SSX7: variants seen among roughly 807,000 people sequenced by gnomAD.
The protein encoded by SSX7 is SSX family member 7.
In SSX7, 15 loss-of-function variants were observed where a neutral mutation model predicts 14.7. That is an observed-to-expected ratio of 1.02 (90% CI 0.68 to 1.58). SSX7 has a LOEUF of 1.58. Among genes scored for constraint, SSX7 ranks in the 40% most tolerant of loss-of-function variants. The pLI is 0.00. For missense variants in SSX7, 178 were observed against 146.8 expected, an observed-to-expected ratio of 1.21 and a Z score of -1.10; for synonymous variants, 46 against 50.6, an observed-to-expected ratio of 0.91 and a Z score of 0.38.
rs1200527063 is a variant in SSX7 at position 52,644,610 on chromosome X, A to G, written c.*65T>C. On this transcript the variant is annotated 3_prime_UTR_variant, in exon 8 of 8. Transcript: ENST00000298181. Reference sequence around the variant, plus strand: ...TGACGAGGGGTCCGCAGCCATGCCCATGTTCGTGAAAGGTCACCACGTTCT... The same window carrying G: ...TGACGAGGGGTCCGCAGCCATGCCCGTGTTCGTGAAAGGTCACCACGTTCT... The G allele has an allele frequency of 2.9e-4, 347 of 1,192,607 alleles. 1 individual carries two copies. The highest frequency in any genetic ancestry group is 9.7e-4 in the Middle Eastern group (3 of 3,096).
intron 5 of SSX7, 33 bp downstream of exon 5, chrX:52,650,320 T>G: frequency 1.7e-6 from 2 of 1,203,596 alleles, no homozygotes; most frequent in Non-Finnish European, 2.3e-6. Context: ...GGGACAAAGG[T>G]TCTCTGGTCC....
chrX:52,653,279 A>G (rs1180657316), intron 2 of SSX7, 125 bp downstream of exon 2: 4 of 1,203,638 alleles, frequency 3.3e-6, no homozygotes, highest in African/African-American at 1.8e-5. Context: ...GAGGCTCTCA[A>G]GGATCCAGAT....
chrX:52,649,725 T>C (rs1601975358), intron 5 of SSX7, among the ~76,000 whole-genome samples: 1 of 112,018 alleles, frequency 8.9e-6, no homozygotes, highest in East Asian at 2.8e-4. Flanking sequence ...CAGCTGGTCT[T>C]TCCTATTGCG....
chrX:52,652,386 C>A (rs782055141), intron 3 of SSX7, 39 bp from the exon 4 acceptor site: 2 of 1,027,520 alleles, frequency 1.9e-6, no homozygotes, highest in Non-Finnish European at 2.7e-6. Context: ...AAGAGACAAG[C>A]TTTGACCTGT....
intron 2 of SSX7, 180 bp from the exon 3 acceptor site, chrX:52,653,164 A>G: frequency 1.3e-6 from 1 of 753,824 alleles, no homozygotes; most frequent in Non-Finnish European, 1.6e-6. Flanking sequence ...AATGCTGCTG[A>G]CTGACTCTCT....
intron 1 of SSX7, among the ~76,000 whole-genome samples, chrX:52,653,915 G>A (rs782316876): frequency 2.7e-5 from 3 of 111,264 alleles, no homozygotes; most frequent in Non-Finnish European, 5.7e-5. Flanking sequence ...AGATAACATC[G>A]TCTCTCTGGT....
At chrX:52,651,844 T>C (rs1422558853) in intron 4 of SSX7, among the ~76,000 whole-genome samples, 4 of 109,648 alleles carry the variant, frequency 3.6e-5, no homozygotes, top group Admixed American at 9.9e-5. Flanking sequence ...TATTGCACTC[T>C]ACCCTGGCCG....
chrX:52,650,119 A>G (rs1287705002), intron 5 of SSX7, among the ~76,000 whole-genome samples: 1 of 112,383 alleles, frequency 8.9e-6, no homozygotes, highest in African/African-American at 3.2e-5. Context: ...GATTAAATAC[A>G]TTAATCCATG....
At chrX:52,652,043 A>G (rs1925449137) in intron 4 of SSX7, among the ~76,000 whole-genome samples, 1 of 108,396 alleles carries the variant, frequency 9.2e-6, no homozygotes, top group Non-Finnish European at 1.9e-5. Flanking sequence ...TTTACTTATT[A>G]TCTATAAAAA....
chrX:52,645,284 AC>A (rs1183037585), intron 7 of SSX7, among the ~76,000 whole-genome samples, 154 bp downstream of exon 7: 7 of 108,574 alleles, frequency 6.4e-5, no homozygotes, highest in Non-Finnish European at 1.2e-4. Flanking sequence ...AAAAAAAAAA[AC>A]GTGGGAAATC....
Position 52,652,961 on chromosome X carries a change from G to A in SSX7, c.93C>T (p.Tyr31=). ...IQKSFDDIAK[Y]FSKKEWEKMK... The stretch of plus-strand genomic sequence containing the variant: ...TCTTTTCCCACTCTTTCTTAGAGAA[G>A]TATTTGGCAATATCATCGAAGGACT... Residue 31 remains tyrosine (Y), a synonymous_variant, in exon 3 of 8, where the codon TAC becomes TAT. Transcript: ENST00000298181. 8.3e-7 allele frequency: 1 copy of A among 1,201,406 alleles called. No individual in the cohort carries two copies. The highest frequency in any genetic ancestry group is 1.1e-6 in the Non-Finnish European group (1 of 888,548).
At chrX:52,646,413 C>T (rs376428259) in intron 6 of SSX7, among the ~76,000 whole-genome samples, 37 of 112,569 alleles carry the variant, frequency 3.3e-4, no homozygotes, top group African/African-American at 5.5e-4. Context: ...TTATGGGGTA[C>T]GTGAGATGTT....
chrX:52,651,744 G>A (rs1379484717), intron 4 of SSX7, among the ~76,000 whole-genome samples: 1 of 111,032 alleles, frequency 9.0e-6, no homozygotes, highest in East Asian at 2.8e-4. Context: ...GTGTGGGGGC[G>A]GGCACCCGTA....
intron 4 of SSX7, 135 bp downstream of exon 4, chrX:52,652,117 C>T: frequency 6.1e-6 from 3 of 492,155 alleles, no homozygotes; most frequent in East Asian, 7.2e-5. Context: ...TAACTTTCTG[C>T]ATGCAATTTT....
chrX:52,653,018 A>T (rs1925491722), intron 2 of SSX7, 34 bp from the exon 3 acceptor site: 2 of 1,187,617 alleles, frequency 1.7e-6, no homozygotes, highest in Non-Finnish European at 1.1e-6. Flanking sequence ...TTTGTCAGTG[A>T]CTCAGCTAGA....
chrX:52,652,202 A>G (rs782077645), intron 4 of SSX7, 50 bp downstream of exon 4: 43 of 1,020,637 alleles, frequency 4.2e-5, no homozygotes, highest in Non-Finnish European at 5.5e-5. Flanking sequence ...CTGAGCTGAA[A>G]AGCAGCTGGG....
rs782343480 is a variant in SSX7, at chrX:52,649,028, CT to C, written c.331-633del. ...GTCACTGACCAACAATCTTAAGCTACTTTTTTTTTTGTTGTTTTGTTTTGAG... is the reference window on the plus strand; with the variant it reads ...GTCACTGACCAACAATCTTAAGCTACTTTTTTTTTGTTGTTTTGTTTTGAG... On this transcript the variant is annotated intron_variant, in intron 5 of 7. Transcript: ENST00000298181. Among the ~76,000 whole-genome samples, 38 of 106,909 alleles carry C rather than the reference CT, an allele frequency of 3.6e-4. No individual in the cohort carries two copies. The East Asian group carries it at 7.6e-3, about 21-fold the overall frequency. 92.8% of individuals were successfully genotyped at this position (106,909 alleles called of 115,157 possible). A position where few individuals can be genotyped will look rare whatever the true frequency, so the allele number is the denominator to read the frequency against.
intron 6 of SSX7, among the ~76,000 whole-genome samples, chrX:52,646,675 G>C (rs1337169215): frequency 8.9e-6 from 1 of 111,942 alleles, no homozygotes; most frequent in African/African-American, 3.2e-5. Context: ...CTGCTCCACC[G>C]ATGAGCTATT....
At chrX:52,650,252 G>A (rs782272386) in intron 5 of SSX7, 101 bp downstream of exon 5, 16 of 1,014,522 alleles carry the variant, frequency 1.6e-5, no homozygotes, top group South Asian at 8.0e-5. Context: ...TGGGGAGAAG[G>A]AGGCAGTGAG....
Sources: allele counts gnomAD v4.1 joint callset (sites outside exome capture counted in the v4.1 genomes callset), GRCh38; gene constraint gnomAD v4.1.1; transcripts MANE v1.5; gene names NCBI Gene and HGNC (gene_info 2026-07-23, HGNC 2026-07-21).